Variants in AKAP19 observed in about 807,000 individuals in gnomAD.
AKAP19 encodes the protein A-kinase anchoring protein 19, also known as small A-kinase anchoring protein.
At chr2:190,157,393 C>CACACACAT in the AKAP19 span, among the ~76,000 whole-genome samples, 76 of 149,352 alleles carry the variant, frequency 5.1e-4, no homozygotes, top group East Asian at 5.4e-3. Flanking sequence ...CACACACACA[C>CACACACAT]ATATCACAGG....
chr2:190,107,617 T>C, the AKAP19 span, among the ~76,000 whole-genome samples: 1 of 152,226 alleles, frequency 6.6e-6, no homozygotes, highest in Non-Finnish European at 1.5e-5. Context: ...GCATGAGTAC[T>C]GCTTGTTCTA....
At chr2:190,128,786 A>C in the AKAP19 span, among the ~76,000 whole-genome samples, 1 of 152,246 alleles carries the variant, frequency 6.6e-6, no homozygotes, top group Non-Finnish European at 1.5e-5. Context: ...AAATGTATAA[A>C]GAAGAAAAGT....
the AKAP19 span, among the ~76,000 whole-genome samples, chr2:190,145,260 T>C: frequency 6.6e-6 from 1 of 152,206 alleles, no homozygotes; most frequent in Non-Finnish European, 1.5e-5. Context: ...GAGTGAGACC[T>C]TGTTCCAGAG....
the AKAP19 span, among the ~76,000 whole-genome samples, chr2:190,140,551 A>AAGCAG: frequency 6.6e-6 from 1 of 152,182 alleles, no homozygotes; most frequent in Non-Finnish European, 1.5e-5. Flanking sequence ...GGAAGCTGCC[A>AAGCAG]AGGCTTGGAG....
chr2:189,905,627 A>T, the AKAP19 span, among the ~76,000 whole-genome samples: 2 of 151,788 alleles, frequency 1.3e-5, no homozygotes, highest in South Asian at 2.1e-4. Context: ...CTTCCTCCCC[A>T]ATCTATAGTC....
At chr2:190,062,204 A>G in the AKAP19 span, 2 of 1,612,118 alleles carry the variant, frequency 1.2e-6, no homozygotes, top group South Asian at 2.2e-5. Context: ...CTGTTGATAT[A>G]CACTAATAGG....
chr2:189,995,479 C>A, the AKAP19 span, among the ~76,000 whole-genome samples: 26 of 152,126 alleles, frequency 1.7e-4, no homozygotes, highest in African/African-American at 6.3e-4. Flanking sequence ...TCTTTTTCCA[C>A]CCTTTTACCT....
the AKAP19 span, among the ~76,000 whole-genome samples, chr2:190,174,305 T>C: frequency 8.6e-3 from 1,310 of 152,288 alleles, 16 homozygotes; most frequent in African/African-American, 0.028. Context: ...GCACTGAGCA[T>C]TTACTTCCAA....
chr2:190,148,660 T>A, the AKAP19 span, among the ~76,000 whole-genome samples: 1 of 152,124 alleles, frequency 6.6e-6, no homozygotes, highest in African/African-American at 2.4e-5. Context: ...TGGTAATTTT[T>A]AAATTACCAT....
chr2:190,085,526 A>T, the AKAP19 span, among the ~76,000 whole-genome samples: 25 of 152,244 alleles, frequency 1.6e-4, no homozygotes, highest in African/African-American at 6.0e-4. Context: ...AAAGAATCCC[A>T]TTTCCTCTCT....
the AKAP19 span, among the ~76,000 whole-genome samples, chr2:189,905,222 T>A: frequency 2.6e-4 from 40 of 152,080 alleles, no homozygotes; most frequent in African/African-American, 8.9e-4. Flanking sequence ...ACAGCTACAG[T>A]TGTATTTCCT....
At chr2:190,074,934 G>A in the AKAP19 span, among the ~76,000 whole-genome samples, 31 of 152,270 alleles carry the variant, frequency 2.0e-4, no homozygotes, top group African/African-American at 6.7e-4. Context: ...GTAAATGTTG[G>A]TGTCAAACAT....
the AKAP19 span, among the ~76,000 whole-genome samples, chr2:189,892,093 T>C: frequency 1.3e-5 from 2 of 151,990 alleles, no homozygotes; most frequent in South Asian, 2.1e-4. Context: ...AGGTCATTTA[T>C]GTTCTTCTCT....
chr2:189,994,878 C>A, the AKAP19 span, among the ~76,000 whole-genome samples: 1 of 152,122 alleles, frequency 6.6e-6, no homozygotes, highest in African/African-American at 2.4e-5. Flanking sequence ...GGATTACAGG[C>A]GTGAGCCACC....
At chr2:189,888,239 G>A in the AKAP19 span, among the ~76,000 whole-genome samples, 1 of 152,110 alleles carries the variant, frequency 6.6e-6, no homozygotes, top group Non-Finnish European at 1.5e-5. Context: ...TTTTTGTCAG[G>A]TTTATCAAAG....
chr2:189,960,125 G>C, the AKAP19 span, among the ~76,000 whole-genome samples: 1 of 152,116 alleles, frequency 6.6e-6, no homozygotes, highest in African/African-American at 2.4e-5. Flanking sequence ...TACATATCAC[G>C]TGTTTGATCA....
the AKAP19 span, among the ~76,000 whole-genome samples, chr2:190,168,076 G>A: frequency 1.3e-5 from 2 of 152,162 alleles, no homozygotes. Context: ...ACTTCTGCCT[G>A]GACATTCAGG....
the AKAP19 span, chr2:190,062,129 G>A: frequency 2.2e-6 from 3 of 1,348,308 alleles, no homozygotes; most frequent in Admixed American, 1.8e-5. Flanking sequence ...CAGGCCAACA[G>A]CTTGTTTAAA....
the AKAP19 span, among the ~76,000 whole-genome samples, chr2:190,077,656 CTTAG>C: frequency 6.6e-6 from 1 of 152,004 alleles, no homozygotes. Context: ...GTTTTTTCCC[CTTAG>C]TAAGTCTAGT....
Sources: gnomAD v4.1 joint callset for allele counts (sites outside exome capture counted in the v4.1 genomes callset) on GRCh38, gnomAD v4.1.1 for gene constraint, MANE v1.5 for transcripts, NCBI Gene and HGNC (gene_info 2026-07-23, HGNC 2026-07-21) for gene names.